The following TMEM132B variants were observed in gnomAD, a reference collection of about 807,000 sequenced individuals.
TMEM132B encodes transmembrane protein 132B.
Under a neutral mutation model 90.8 loss-of-function variants are expected in TMEM132B, and 18 were observed. That is an observed-to-expected ratio of 0.20 (90% CI 0.14 to 0.29). TMEM132B has a LOEUF of 0.29. Ranked by LOEUF, TMEM132B falls within the 10% of genes least tolerant of loss-of-function variation. The pLI, the probability that TMEM132B is intolerant of heterozygous loss-of-function variation, is 1.00. For synonymous variants in TMEM132B, 504 were observed against 523.3 expected (o/e 0.96, Z 0.50); for missense variants, 1,096 against 1,326.8 (o/e 0.83, Z 2.70).
At chr12:125,468,595 T>C (rs1881632194) in intron 3 of TMEM132B, among the ~76,000 whole-genome samples, 1 of 152,224 alleles carries the variant, frequency 6.6e-6, no homozygotes. Context: ...ATTTCTGGGC[T>C]CTCTAATCTG....
At chr12:125,511,712 T>C (rs113558920) in intron 3 of TMEM132B, among the ~76,000 whole-genome samples, 1,816 of 150,450 alleles carry the variant, frequency 0.012, 12 homozygotes, top group Middle Eastern at 0.034. Context: ...ATTAGCCGGG[T>C]GTGGTGGCGG....
chr12:125,636,876 TC>T (rs34247321), intron 5 of TMEM132B, among the ~76,000 whole-genome samples: 1 of 152,176 alleles, frequency 6.6e-6, no homozygotes, highest in South Asian at 2.1e-4. Context: ...GGGTGCAAAC[TC>T]CCCTGTATTT....
chr12:125,196,486 T>A (rs1161518750), intron 1 of TMEM132B, among the ~76,000 whole-genome samples: 1 of 152,166 alleles, frequency 6.6e-6, no homozygotes, highest in African/African-American at 2.4e-5. Context: ...GGTGGGTGGA[T>A]CACATTAGGC....
rs60316781 is a variant in TMEM132B, at chr12:125,277,502, AACACACACAC to A, written c.68-71932_68-71923del. Among the ~76,000 whole-genome samples the A allele has an allele frequency of 9.3e-4, 133 of 143,180 alleles. No homozygotes were observed. The highest frequency in any genetic ancestry group is 7.1e-3 in the Middle Eastern group (2 of 282). The allele number at this position is 143,180 out of a possible 152,430, so 93.9% of individuals were successfully genotyped here. Reference sequence around the variant, plus strand: ...TCAAAAAAAAAAGATGAAGAGGGAGAACACACACACACACACACACACACACATACACACA... The same window carrying A: ...TCAAAAAAAAAAGATGAAGAGGGAGAACACACACACACACACATACACACA... On this transcript the variant is annotated intron_variant, in intron 1 of 8. Coordinates refer to ENST00000682704, the MANE Select transcript of TMEM132B (RefSeq NM_001366854.1). The surrounding 1 kb of genome is among the most constrained non-coding windows in gnomAD (Gnocchi z 4.3).
chr12:125,661,119 C>T lies in TMEM132B; in HGVS notation c.*6409C>T, dbSNP rs1887197627. The T allele has an allele frequency of 6.6e-6, 1 of 152,188 alleles. No homozygotes were observed. Among genetic ancestry groups the T allele is most frequent in the African/African-American group, 2.4e-5 (1 of 41,426 alleles). 9.4% of individuals were successfully genotyped at this position (152,188 alleles called of 1,614,324 possible). A position where few individuals can be genotyped will look rare whatever the true frequency, so the allele number is the denominator to read the frequency against. ...GTAAGGCTGGAGCTGAAATAGTCTG[C>T]CACGTTATTGTTATCTCCTTTGTAA... On this transcript the variant is annotated 3_prime_UTR_variant, in exon 9 of 9. Transcript: ENST00000682704.
At chr12:125,343,521 C>T (rs1169803278) in intron 1 of TMEM132B, among the ~76,000 whole-genome samples, 1 of 151,834 alleles carries the variant, frequency 6.6e-6, no homozygotes, top group Non-Finnish European at 1.5e-5. Context: ...ACTGCCAGGC[C>T]AGGTAGGCCC....
At chr12:125,254,409 C>T in intron 1 of TMEM132B, among the ~76,000 whole-genome samples, 1 of 152,198 alleles carries the variant, frequency 6.6e-6, no homozygotes, top group East Asian at 1.9e-4. Flanking sequence ...GTTCTGTTTG[C>T]CTTCATCAGC....
intron 4 of TMEM132B, among the ~76,000 whole-genome samples, chr12:125,557,975 T>C (rs1884432104): frequency 6.6e-6 from 1 of 152,196 alleles, no homozygotes; most frequent in East Asian, 1.9e-4. Context: ...GAGTAGCTTA[T>C]GGGGCAGATG....
At chr12:125,373,622 A>G (rs1878374472) in intron 2 of TMEM132B, among the ~76,000 whole-genome samples, 1 of 152,142 alleles carries the variant, frequency 6.6e-6, no homozygotes, top group African/African-American at 2.4e-5. Flanking sequence ...AGCTTCCGTT[A>G]CAAAGTACCA....
chr12:125,399,102 CAAG>C (rs1593123154), intron 2 of TMEM132B, among the ~76,000 whole-genome samples: 1 of 152,156 alleles, frequency 6.6e-6, no homozygotes, highest in African/African-American at 2.4e-5. Flanking sequence ...CAAAGCCACC[CAAG>C]AAGATAGTTC....
At chr12:125,310,277 G>A (rs990400009) in intron 1 of TMEM132B, among the ~76,000 whole-genome samples, 3 of 152,204 alleles carry the variant, frequency 2.0e-5, no homozygotes, top group Non-Finnish European at 2.9e-5. Flanking sequence ...TCCTGCACAC[G>A]TGTCCAGCCA....
intron 5 of TMEM132B, among the ~76,000 whole-genome samples, chr12:125,620,405 T>C (rs977074857): frequency 3.1e-4 from 47 of 152,236 alleles, no homozygotes; most frequent in East Asian, 1.9e-4. Flanking sequence ...ATGAAAGTTA[T>C]AAATCTTCAG....
At chr12:125,288,327 G>A (rs1463180216) in intron 1 of TMEM132B, among the ~76,000 whole-genome samples, 3 of 151,778 alleles carry the variant, frequency 2.0e-5, no homozygotes, top group African/African-American at 7.2e-5. Flanking sequence ...GCCGGGTGTG[G>A]TGGTGCACGC....
At chr12:125,215,303 A>G (rs1873408902) in intron 1 of TMEM132B, among the ~76,000 whole-genome samples, 1 of 152,218 alleles carries the variant, frequency 6.6e-6, no homozygotes, top group Admixed American at 6.5e-5. Flanking sequence ...CTGGAGGTCA[A>G]AAGTCAGAAA....
chr12:125,403,965 G>A (rs1483782221), intron 2 of TMEM132B, among the ~76,000 whole-genome samples: 3 of 152,172 alleles, frequency 2.0e-5, no homozygotes, highest in East Asian at 3.9e-4. Context: ...CTAAGGGAAA[G>A]AATTTTGCTT....
At chr12:125,551,805 C>T (rs1011397001) in intron 4 of TMEM132B, among the ~76,000 whole-genome samples, 1 of 152,114 alleles carries the variant, frequency 6.6e-6, no homozygotes, top group Non-Finnish European at 1.5e-5. Context: ...AGCTGGGGAA[C>T]TTCTGTGCCA....
chr12:125,190,005 G>A (rs1015872008), intron 1 of TMEM132B, among the ~76,000 whole-genome samples: 3 of 152,220 alleles, frequency 2.0e-5, no homozygotes, highest in African/African-American at 4.8e-5. Context: ...CCCTGGTACC[G>A]TGGGTGACGG....
intron 4 of TMEM132B, among the ~76,000 whole-genome samples, chr12:125,547,029 A>G (rs933361038): frequency 1.3e-5 from 2 of 152,192 alleles, no homozygotes; most frequent in African/African-American, 2.4e-5. Context: ...ATCTCGTGAG[A>G]ACTAATTCAC....
At chr12:125,259,651 G>A (rs533257043) in intron 1 of TMEM132B, among the ~76,000 whole-genome samples, 5 of 152,200 alleles carry the variant, frequency 3.3e-5, no homozygotes, top group African/African-American at 1.2e-4. Context: ...GGGACTCGTC[G>A]GCAGTGGCAT....
Sources: allele counts gnomAD v4.1 joint callset (sites outside exome capture counted in the v4.1 genomes callset), GRCh38; gene constraint gnomAD v4.1.1; non-coding constraint Gnocchi (gnomAD v3.1); transcripts MANE v1.5; gene names NCBI Gene and HGNC (gene_info 2026-07-23, HGNC 2026-07-21).